NUP133: variants seen among roughly 807,000 people sequenced by gnomAD.
The protein encoded by NUP133 is nuclear pore complex protein Nup133.
A neutral mutation model predicts 146.2 loss-of-function variants in NUP133; 66 were observed. The ratio of observed to expected loss-of-function variants is 0.45; its 90% CI spans 0.37 to 0.55. The LOEUF is 0.55. Among genes scored for constraint, NUP133 ranks in the 20% least tolerant of loss-of-function variants. The pLI is 0.00. For synonymous variants in NUP133, 521 were observed against 498.8 expected, an observed-to-expected ratio of 1.04 and a Z score of -0.59; for missense variants, 1,277 against 1,374.8, an observed-to-expected ratio of 0.93 and a Z score of 1.12.
At chr1:229,475,583 G>T in intron 14 of NUP133, 55 bp downstream of exon 14, 1 of 1,280,158 alleles carries the variant, frequency 7.8e-7, no homozygotes, top group Non-Finnish European at 1.1e-6. Flanking sequence ...ACTTCCCACT[G>T]TGTTGGAGAG....
In NUP133 at chr1:229,487,613, A is replaced by G; in HGVS notation, c.1195T>C (p.Ser399Pro). The part of the protein sequence containing the change: ...EVTQYNPPFQ[S>P]EDLILCQLTV... ...AACTGACACAAAATCAGGTCTTCAG[A>G]CTGAAAGTTAAATTTAAGATTACAT... The change falls in exon 10 of 26, where the codon TCT (serine) becomes CCT (proline). Residue 399 changes from serine to proline, a missense_variant and splice_region_variant. By Grantham distance (74) the Ser-to-Pro change is moderately conservative. Transcript: ENST00000261396. The G allele has an allele frequency of 6.3e-7, 1 of 1,588,450 alleles. No individual in the cohort carries two copies. The highest frequency in any genetic ancestry group is 1.2e-5 in the South Asian group (1 of 85,596).
At position 229,446,477 on chromosome 1, in the gene NUP133, C is replaced by T. The variant is rs192364312; in HGVS notation, c.3246-1475G>A. Among the ~76,000 whole-genome samples, 3 of 152,078 alleles carry T rather than the reference C, an allele frequency of 2.0e-5. No individual in the cohort carries two copies. In the East Asian group the frequency reaches 5.8e-4, roughly 29 times the overall value. ...GTACTTAATGCCTTAGAAAAGGGCA[C>T]TGACCCTCAAATTGTAGTAACTTAA... On this transcript the variant is annotated intron_variant, in intron 24 of 25. Coordinates refer to ENST00000261396, the MANE Select transcript of NUP133 (RefSeq NM_018230.3).
intron 12 of NUP133, among the ~76,000 whole-genome samples, chr1:229,483,696 CAAAAAAAAAAAAAAA>C (rs35673633): frequency 1.7e-5 from 1 of 57,536 alleles, no homozygotes; most frequent in Non-Finnish European, 3.8e-5. Context: ...CGGAGTGTCT[CAAAAAAAAAAAAAAA>C]AAAAAAAAAA....
intron 10 of NUP133, among the ~76,000 whole-genome samples, chr1:229,486,994 A>C (rs529178658): frequency 2.6e-5 from 4 of 151,850 alleles, no homozygotes; most frequent in African/African-American, 9.7e-5. Context: ...CTGGGACTAG[A>C]AAACCTGGGT....
At chr1:229,498,617 G>A (rs751270602) in intron 5 of NUP133, among the ~76,000 whole-genome samples, 17 of 151,976 alleles carry the variant, frequency 1.1e-4, no homozygotes, top group Non-Finnish European at 2.2e-4. Context: ...TTAGCTGGGC[G>A]TGGCGGTGCG....
chr1:229,457,479 C>CACAT (rs1355215275), intron 21 of NUP133, among the ~76,000 whole-genome samples: 1 of 152,170 alleles, frequency 6.6e-6, no homozygotes, highest in Non-Finnish European at 1.5e-5. Context: ...GCACATAACC[C>CACAT]ACATACATCC....
intron 2 of NUP133, among the ~76,000 whole-genome samples, chr1:229,503,152 C>A (rs1661848249): frequency 6.6e-6 from 1 of 151,758 alleles, no homozygotes; most frequent in Admixed American, 6.6e-5. Context: ...GTGGCGTGCA[C>A]CTGTAATCCT....
At chr1:229,478,487 C>T (rs762609904) in intron 12 of NUP133, among the ~76,000 whole-genome samples, 4 of 151,990 alleles carry the variant, frequency 2.6e-5, no homozygotes, top group Non-Finnish European at 5.9e-5. Context: ...ACAGAACATA[C>T]ATCCACATCC....
chr1:229,504,960 G>A (rs1272106020), intron 2 of NUP133, among the ~76,000 whole-genome samples: 1 of 152,148 alleles, frequency 6.6e-6, no homozygotes, highest in South Asian at 2.1e-4. Context: ...CCAGGGACAC[G>A]TGTGGCCCAG....
At chr1:229,478,629 C>G (rs1018063211) in intron 12 of NUP133, among the ~76,000 whole-genome samples, 1 of 152,146 alleles carries the variant, frequency 6.6e-6, no homozygotes, top group Non-Finnish European at 1.5e-5. Context: ...TAAAAAGCAG[C>G]AGACTCTTCT....
At chr1:229,477,538 C>T in intron 13 of NUP133, 59 bp downstream of exon 13, 1 of 1,375,304 alleles carries the variant, frequency 7.3e-7, no homozygotes, top group African/African-American at 1.4e-5. Context: ...AGAGATGCTT[C>T]TAATAAAGAA....
intron 10 of NUP133, among the ~76,000 whole-genome samples, chr1:229,486,903 G>GAA (rs572081486): frequency 1.1e-3 from 130 of 115,122 alleles, no homozygotes; most frequent in Non-Finnish European, 1.7e-3. Flanking sequence ...ATGGGGACTG[G>GAA]AAAAAAAAAA....
Position 229,477,621 on chromosome 1 carries a change from G to A in NUP133, c.1732C>T (p.Arg578Trp), listed in dbSNP as rs1416012526. Residue 578 changes from arginine to tryptophan, a missense_variant, in exon 13 of 26, where the codon CGG becomes TGG. Around this residue, in one of 3 missense-constraint regions of NUP133, gnomAD observed 952 missense variants for 1,047.0 expected, o/e 0.91. Transcript: ENST00000261396. ...CCCTCAGGGACAGACTCAGCCCACC[G>A]TGGGTCAGATGCTGGGTAGTCATCC... ...LMDDYPASDP[R>W]WAESVPEEAP... The A allele has an allele frequency of 8.7e-6, 14 of 1,613,102 alleles. No homozygotes were observed. Among genetic ancestry groups the A allele is most frequent in the Admixed American group, 1.7e-5 (1 of 59,928 alleles).
chr1:229,479,461 A>G (rs1661156152), intron 12 of NUP133, among the ~76,000 whole-genome samples: 2 of 152,200 alleles, frequency 1.3e-5, no homozygotes, highest in Admixed American at 1.3e-4. Context: ...CATAGGTACT[A>G]TAGGAAAAAC....
chr1:229,501,829 A>G, intron 3 of NUP133, among the ~76,000 whole-genome samples, 170 bp downstream of exon 3: 1 of 152,216 alleles, frequency 6.6e-6, no homozygotes, highest in East Asian at 1.9e-4. Flanking sequence ...CCCAATACAC[A>G]AATGTGTATG....
intron 21 of NUP133, among the ~76,000 whole-genome samples, chr1:229,456,405 G>C (rs1412319556): frequency 6.6e-6 from 1 of 152,104 alleles, no homozygotes; most frequent in African/African-American, 2.4e-5. Context: ...CTCCCTTTTT[G>C]AAAATCACTG....
chr1:229,486,901 T>TG (rs140026445), intron 10 of NUP133, among the ~76,000 whole-genome samples: 85 of 123,616 alleles, frequency 6.9e-4, no homozygotes, highest in Non-Finnish European at 1.2e-3. Flanking sequence ...CAATGGGGAC[T>TG]GGAAAAAAAA....
At chr1:229,454,355 G>A (rs887660463) in intron 21 of NUP133, among the ~76,000 whole-genome samples, 4 of 152,034 alleles carry the variant, frequency 2.6e-5, no homozygotes, top group Non-Finnish European at 2.9e-5. Context: ...AGATACTTTC[G>A]CTCAAATACT....
Position 229,441,172 on chromosome 1 carries a change from G to C in NUP133, c.*732C>G. On this transcript the variant is annotated 3_prime_UTR_variant, in exon 26 of 26. Coordinates refer to ENST00000261396, the MANE Select transcript of NUP133 (RefSeq NM_018230.3). Reference sequence around the variant, plus strand: ...GACTAGCTAGGCAGACTGTGGTAAAGATTCATGAGTCATTCTGAAAATACA... The same window carrying C: ...GACTAGCTAGGCAGACTGTGGTAAACATTCATGAGTCATTCTGAAAATACA... 3.0e-6 allele frequency: 1 copy of C among 330,846 alleles called. No individual in the cohort carries two copies. The highest frequency in any genetic ancestry group is 6.0e-6 in the Non-Finnish European group (1 of 167,670). 20.5% of individuals were successfully genotyped at this position (330,846 alleles called of 1,614,324 possible).
Sources: allele counts gnomAD v4.1 joint callset (sites outside exome capture counted in the v4.1 genomes callset), GRCh38; gene constraint gnomAD v4.1.1; regional missense constraint gnomAD v4.1.1; transcripts MANE v1.5; gene names NCBI Gene and HGNC (gene_info 2026-07-23, HGNC 2026-07-21).